Variants in NTM observed in about 807,000 individuals in gnomAD.
NTM encodes the protein neurotrimin.
NTM carries 13 observed loss-of-function variants against 42.1 expected under a neutral mutation model. The observed-to-expected ratio is 0.31, with a 90% confidence interval of 0.20 to 0.49. The LOEUF (loss-of-function observed/expected upper bound fraction) is 0.49, where lower values mean the gene tolerates loss of function less well. Among genes scored for constraint, NTM ranks in the 20% least tolerant of loss-of-function variants. NTM has a pLI of 0.99. For synonymous variants in NTM, 187 were observed against 179.2 expected (o/e 1.04, Z -0.35); for missense variants, 373 against 452.8 (o/e 0.82, Z 1.60).
intron 2 of NTM, among the ~76,000 whole-genome samples, chr11:132,070,029 A>T (rs1306118945): frequency 7.1e-6 from 1 of 141,630 alleles, no homozygotes; most frequent in Non-Finnish European, 1.5e-5. Flanking sequence ...TTAACACGTC[A>T]AACTGACCGT....
At chr11:132,063,744 C>A (rs963202345) in intron 2 of NTM, among the ~76,000 whole-genome samples, 1 of 152,188 alleles carries the variant, frequency 6.6e-6, no homozygotes, top group East Asian at 1.9e-4. Flanking sequence ...AATGGACAGA[C>A]GTGTCCTTCT....
chr11:131,528,501 C>T (rs1297022024), intron 1 of NTM, among the ~76,000 whole-genome samples: 1 of 152,206 alleles, frequency 6.6e-6, no homozygotes, highest in Non-Finnish European at 1.5e-5. Flanking sequence ...CACAGCTACT[C>T]AGTGCCACAG....
At chr11:132,090,301 C>G (rs1037749743) in intron 2 of NTM, among the ~76,000 whole-genome samples, 2 of 152,160 alleles carry the variant, frequency 1.3e-5, no homozygotes, top group African/African-American at 4.8e-5. Context: ...CCCTTCACAC[C>G]TTCCCTATGG....
intron 1 of NTM, among the ~76,000 whole-genome samples, chr11:131,759,817 C>T (rs889297466): frequency 6.6e-6 from 1 of 151,924 alleles, no homozygotes; most frequent in Non-Finnish European, 1.5e-5. Flanking sequence ...CCATTGAAAT[C>T]TTGATCCCAA....
intron 1 of NTM, among the ~76,000 whole-genome samples, chr11:131,541,531 C>T (rs1476488513): frequency 1.3e-5 from 2 of 152,124 alleles, no homozygotes; most frequent in Non-Finnish European, 2.9e-5. Context: ...TAAAGTCAGT[C>T]AATTTTGTGA....
intron 1 of NTM, among the ~76,000 whole-genome samples, chr11:131,442,557 C>A (rs761214199): frequency 2.0e-5 from 3 of 152,094 alleles, no homozygotes; most frequent in Non-Finnish European, 4.4e-5. Flanking sequence ...AAGTTTTCAA[C>A]CCTCATCCCT....
intron 1 of NTM, among the ~76,000 whole-genome samples, chr11:131,412,279 T>C (rs1002112389): frequency 2.0e-5 from 3 of 152,168 alleles, no homozygotes; most frequent in African/African-American, 7.2e-5. Context: ...GGTTAGGACC[T>C]GTGAAATTTA....
intron 1 of NTM, among the ~76,000 whole-genome samples, chr11:131,616,459 G>A (rs2061947068): frequency 6.6e-6 from 1 of 152,218 alleles, no homozygotes; most frequent in African/African-American, 2.4e-5. Flanking sequence ...AATTGCCACT[G>A]CTGATTCTCC....
chr11:131,599,198 A>G (rs2060236880), intron 1 of NTM, among the ~76,000 whole-genome samples: 1 of 152,038 alleles, frequency 6.6e-6, no homozygotes, highest in African/African-American at 2.4e-5. Context: ...TACAGGCTTG[A>G]GCCACCGCAC....
intron 1 of NTM, among the ~76,000 whole-genome samples, chr11:131,400,519 T>C (rs1945018234): frequency 6.6e-6 from 1 of 152,208 alleles, no homozygotes; most frequent in South Asian, 2.1e-4. Flanking sequence ...CCTTCAACAA[T>C]TTATTTACTG....
rs77767979 is a variant in NTM at position 131,589,316 on chromosome 11, C to G, written c.82+218428C>G. The stretch of plus-strand genomic sequence containing the variant: ...TTTAAGCAGGGCTTTTTTCTCTTCC[C>G]TGGGACACACATTCTTCATTATAAA... On this transcript the variant is annotated intron_variant, in intron 1 of 8. Transcript: ENST00000683400. 2.6e-4 allele frequency among the ~76,000 whole-genome samples: 40 copies of G among 152,150 alleles called. No individual in the cohort carries two copies. The East Asian group carries it at 7.5e-3, about 29-fold the overall frequency.
At position 132,317,537 on chromosome 11, in the gene NTM, C is replaced by G. The variant is rs563729115; in HGVS notation, c.934+2834C>G. 28 of 427,650 alleles carry G rather than the reference C, an allele frequency of 6.5e-5. No homozygotes were observed. The East Asian group carries it at 1.1e-3, about 17-fold the overall frequency. 26.5% of individuals were successfully genotyped at this position (427,650 alleles called of 1,614,324 possible). A position where few individuals can be genotyped will look rare whatever the true frequency, so the allele number is the denominator to read the frequency against. On this transcript the variant is annotated intron_variant, in intron 7 of 8. Coordinates refer to ENST00000683400, the MANE Select transcript of NTM (RefSeq NM_001352005.2). ...CTGTCTTCCTTTTTTTTATATAATCCCCCAGAAATGTCTGTGAAAGGCAGT... is the reference window on the plus strand; with the variant it reads ...CTGTCTTCCTTTTTTTTATATAATCGCCCAGAAATGTCTGTGAAAGGCAGT...
chr11:132,043,958 ATGTGTG>A (rs71067353), intron 2 of NTM, among the ~76,000 whole-genome samples: 43,978 of 146,268 alleles, frequency 0.3, 7,500 homozygotes, highest in East Asian at 0.78. Context: ...GACACCAACT[ATGTGTG>A]TGTGTGTGTG....
At chr11:131,980,126 T>C (rs1332250714) in intron 2 of NTM, among the ~76,000 whole-genome samples, 1 of 152,166 alleles carries the variant, frequency 6.6e-6, no homozygotes, top group Non-Finnish European at 1.5e-5. Flanking sequence ...GGAATGGATG[T>C]CAAAGGAAAA....
intron 4 of NTM, among the ~76,000 whole-genome samples, chr11:132,299,143 A>C (rs1001005419): frequency 6.6e-6 from 1 of 152,058 alleles, no homozygotes; most frequent in African/African-American, 2.4e-5. Flanking sequence ...AAAATAAAAA[A>C]AATTAGCTGG....
intron 1 of NTM, among the ~76,000 whole-genome samples, chr11:131,767,805 C>A (rs751716820): frequency 6.6e-6 from 1 of 152,148 alleles, no homozygotes. Flanking sequence ...AATCCCTGAG[C>A]CTTCGAGATT....
At chr11:132,060,263 T>C (rs1348006719) in intron 2 of NTM, among the ~76,000 whole-genome samples, 1 of 152,244 alleles carries the variant, frequency 6.6e-6, no homozygotes, top group East Asian at 1.9e-4. Flanking sequence ...TACAAGTCTC[T>C]TTCCTGTTTA....
At position 131,815,666 on chromosome 11, in the gene NTM, C is replaced by T. The variant is rs564671161; in HGVS notation, c.83-95898C>T. Among the ~76,000 whole-genome samples the T allele has an allele frequency of 5.9e-5, 9 of 152,284 alleles. No individual in the cohort carries two copies. In the South Asian group the frequency reaches 1.0e-3, roughly 18 times the overall value. On this transcript the variant is annotated intron_variant, in intron 1 of 8. Transcript: ENST00000683400. ...TGCCCGCGCCTCTCCCCCAGCCCCT[C>T]GGATCAGGATCCAGCCTCTCCCTTC...
chr11:132,107,062 T>G (rs1032562388), intron 2 of NTM, among the ~76,000 whole-genome samples: 23 of 152,136 alleles, frequency 1.5e-4, no homozygotes, highest in African/African-American at 5.6e-4. Flanking sequence ...ACATATGCCT[T>G]TTTTCATTCA....
Sources: allele counts gnomAD v4.1 joint callset (sites outside exome capture counted in the v4.1 genomes callset), GRCh38; gene constraint gnomAD v4.1.1; transcripts MANE v1.5; gene names NCBI Gene and HGNC (gene_info 2026-07-23, HGNC 2026-07-21).